Variants in DDX5 observed in about 807,000 individuals in gnomAD.
DDX5 encodes the protein DEAD-box helicase 5, also known as probable ATP-dependent RNA helicase DDX5.
A neutral mutation model predicts 68.6 loss-of-function variants in DDX5; 6 were observed. The ratio of observed to expected loss-of-function variants is 0.09; its 90% confidence interval spans 0.05 to 0.17. DDX5 has a LOEUF of 0.17. Among genes scored for constraint, DDX5 ranks in the 10% least tolerant of loss-of-function variants. DDX5 has a pLI of 1.00. For synonymous variants in DDX5, 350 were observed against 247.0 expected, an observed-to-expected ratio of 1.42 and a Z score of -3.91; for missense variants, 499 against 756.1, an observed-to-expected ratio of 0.66 and a Z score of 3.99.
chr17:64,502,605 G>C lies in DDX5; in HGVS notation c.984-56C>G, dbSNP rs904858179. ...TGAGTTTTAAAAGACCATTGCTAGG[G>C]CCACACATTTATGGTCAGCAAAACA... On this transcript the variant is annotated intron_variant, in intron 8 of 12. Coordinates refer to ENST00000225792, the MANE Select transcript of DDX5 (RefSeq NM_004396.5). 8 of 1,268,684 alleles carry C rather than the reference G, an allele frequency of 6.3e-6. No homozygotes were observed. The Admixed American group carries it at 7.3e-5, about 12-fold the overall frequency. The allele number at this position is 1,268,684 out of a possible 1,614,324, so 78.6% of individuals were successfully genotyped here.
rs1435387879 is a variant in DDX5, at chr17:64,498,543, G to C, written c.*1380C>G. Among the ~76,000 whole-genome samples the C allele has an allele frequency of 2.0e-5, 3 of 152,204 alleles. No homozygotes were observed. Among genetic ancestry groups the C allele is most frequent in the East Asian group, 3.8e-4 (2 of 5,200 alleles). ...AAAACCATCCAGGTTACTACAGGCT[G>C]AATTAGTTTTCAATGTCTAAGTCCT... On this transcript the variant is annotated 3_prime_UTR_variant, in exon 13 of 13. Coordinates refer to ENST00000225792, the MANE Select transcript of DDX5 (RefSeq NM_004396.5).
intron 4 of DDX5, 29 bp from the exon 5 acceptor site, chr17:64,503,897 G>A (rs368305665): frequency 2.9e-5 from 47 of 1,613,708 alleles, no homozygotes; most frequent in East Asian, 2.7e-4. Flanking sequence ...GGGACAAACA[G>A]AAATCACATT....
At chr17:64,506,019 G>GGGCCCCCCCCCCCCCC in intron 1 of DDX5, 57 bp downstream of exon 1, 5 of 1,360,396 alleles carry the variant, frequency 3.7e-6, no homozygotes, top group Non-Finnish European at 5.1e-6. Context: ...CCGCCACCCT[G>GGGCCCCCCCCCCCCCC]ACCCGCCCTC....
chr17:64,504,527 A>T, intron 2 of DDX5, 150 bp downstream of exon 2: 1 of 1,073,590 alleles, frequency 9.3e-7, no homozygotes. Flanking sequence ...AGCCACCTAT[A>T]TCCAAAAGTG....
intron 1 of DDX5, 57 bp downstream of exon 1, chr17:64,506,019 G>GTGCCCCCCCCCCCCCC: frequency 1.5e-6 from 2 of 1,360,436 alleles, no homozygotes; most frequent in Non-Finnish European, 2.0e-6. Flanking sequence ...CCGCCACCCT[G>GTGCCCCCCCCCCCCCC]ACCCGCCCTC....
Position 64,500,937 on chromosome 17 carries a change from G to A in DDX5, c.1217-164C>T, listed in dbSNP as rs79642157. ...CATTTCCTGTAGGAATACCATTGAG[G>A]TTGAAAAAAGAAAAAAAAGCACATG... On this transcript the variant is annotated intron_variant, in intron 11 of 12. Transcript: ENST00000225792. 1,712 of 609,572 alleles carry A rather than the reference G, an allele frequency of 2.8e-3. 22 individuals are homozygous for A. The African/African-American group carries it at 0.028, about 10-fold the overall frequency. 37.8% of individuals were successfully genotyped at this position (609,572 alleles called of 1,614,324 possible). A position where few individuals can be genotyped will look rare whatever the true frequency, so the allele number is the denominator to read the frequency against.
In DDX5 at chr17:64,506,170, G is replaced by C; in HGVS notation, c.-51C>G. ...GAACGAAGTATATAGAAAAGCGTGCGACAAGTCGCTGGAAATGGCCTCGAT... is the reference window on the plus strand; with the variant it reads ...GAACGAAGTATATAGAAAAGCGTGCCACAAGTCGCTGGAAATGGCCTCGAT... On this transcript the variant is annotated 5_prime_UTR_variant, in exon 1 of 13. Transcript: ENST00000225792. 1 of 1,596,596 alleles carries C rather than the reference G, an allele frequency of 6.3e-7. No homozygotes were observed. The highest frequency in any genetic ancestry group is 8.5e-7 in the Non-Finnish European group (1 of 1,171,840).
At chr17:64,502,618 G>A (rs2038326725) in intron 8 of DDX5, 69 bp from the exon 9 acceptor site, 4 of 1,140,336 alleles carry the variant, frequency 3.5e-6, no homozygotes, top group Non-Finnish European at 3.9e-6. Flanking sequence ...ACACATTTAT[G>A]GTCAGCAAAA....
rs781975455 is a variant in DDX5, at chr17:64,504,212, T to C, written c.307+10A>G. ...AACACGGGTAGGTAGAACTGAAAAG[T>C]AGCACTTACCAGGGAAATTGGCTTC... On this transcript the variant is annotated intron_variant, in intron 3 of 12. Coordinates refer to ENST00000225792, the MANE Select transcript of DDX5 (RefSeq NM_004396.5). The C allele has an allele frequency of 1.9e-6, 3 of 1,613,770 alleles. No individual in the cohort carries two copies. The highest frequency in any genetic ancestry group is 3.3e-5 in the Admixed American group (2 of 60,030).
At chr17:64,504,877 A>G in intron 1 of DDX5, 35 bp from the exon 2 acceptor site, 1 of 1,581,864 alleles carries the variant, frequency 6.3e-7, no homozygotes, top group Non-Finnish European at 8.6e-7. Flanking sequence ...ACATTTTCAA[A>G]TGGCTATACC....
intron 1 of DDX5, chr17:64,505,796 A>G: frequency 1.3e-6 from 2 of 1,536,106 alleles, no homozygotes; most frequent in Non-Finnish European, 1.7e-6. Flanking sequence ...TCATCCGCAC[A>G]ATACGCTCCC....
rs782485747 is a variant in DDX5, at chr17:64,505,740, C to T, written c.44+336G>A. The T allele has an allele frequency of 4.0e-5, 62 of 1,536,044 alleles. No individual in the cohort carries two copies. In the East Asian group the frequency reaches 1.5e-3, roughly 37 times the overall value. Reference sequence around the variant, plus strand: ...CACCCCAAAAACACCTCCCGAAACGCCGCACCTAACAGATGTTCCTTCGTC... The same window carrying T: ...CACCCCAAAAACACCTCCCGAAACGTCGCACCTAACAGATGTTCCTTCGTC... On this transcript the variant is annotated intron_variant, in intron 1 of 12. Coordinates refer to ENST00000225792, the MANE Select transcript of DDX5 (RefSeq NM_004396.5).
Position 64,499,250 on chromosome 17 carries a change from A to AGTCACCCACGTTCTCACAC in DDX5, c.*654_*672dup, listed in dbSNP as rs1248536065. ...CTTTTTAAATTATAAACTTTGAAAA[A>AGTCACCCACGTTCTCACAC]GTCACCCACGTTCTCACACTATATA... On this transcript the variant is annotated 3_prime_UTR_variant, in exon 13 of 13. Transcript: ENST00000225792. Among the ~76,000 whole-genome samples, 3 of 152,324 alleles carry AGTCACCCACGTTCTCACAC rather than the reference A, an allele frequency of 2.0e-5. No homozygotes were observed. The highest frequency in any genetic ancestry group is 1.3e-4 in the Admixed American group (2 of 15,294).
At chr17:64,502,400 T>C (rs782656768) in intron 9 of DDX5, 39 bp downstream of exon 9, 1 of 1,529,804 alleles carries the variant, frequency 6.5e-7, no homozygotes, top group Non-Finnish European at 9.1e-7. Context: ...TCCTAAGCTG[T>C]TTTAATCAAT....
chr17:64,503,363 G>GT lies in DDX5; in HGVS notation c.650-16dup, dbSNP rs782080764. Reference sequence around the variant, plus strand: ...GATTTCCACACCTTTAATTAAATACGTAAGTGTAACTACAATACCTAGGAT... The same window carrying GT: ...GATTTCCACACCTTTAATTAAATACGTTAAGTGTAACTACAATACCTAGGAT... On this transcript the variant is annotated splice_polypyrimidine_tract_variant and intron_variant, in intron 6 of 12. Transcript: ENST00000225792. The GT allele has an allele frequency of 8.1e-6, 13 of 1,613,866 alleles. No individual in the cohort carries two copies. The highest frequency in any genetic ancestry group is 6.7e-5 in the African/African-American group (5 of 74,856).
chr17:64,499,827 G>T lies in DDX5; in HGVS notation c.*96C>A. The T allele has an allele frequency of 8.2e-7, 1 of 1,219,094 alleles. No homozygotes were observed. The highest frequency in any genetic ancestry group is 1.1e-6 in the Non-Finnish European group (1 of 901,712). 75.5% of individuals were successfully genotyped at this position (1,219,094 alleles called of 1,614,324 possible). ...TTACTGCTGCACTGCAGTCATTTCT[G>T]CAATTCCCATGTTTCTTAAATAACT... On this transcript the variant is annotated 3_prime_UTR_variant, in exon 13 of 13. Transcript: ENST00000225792.
chr17:64,502,855 CCAAA>C (rs1319617253), intron 8 of DDX5, 67 bp downstream of exon 8: 127 of 1,428,804 alleles, frequency 8.9e-5, no homozygotes, highest in Admixed American at 2.8e-4. Flanking sequence ...AAACAACTCA[CCAAA>C]CAATGATCCC....
chr17:64,504,285 T>C lies in DDX5; in HGVS notation c.244A>G (p.Ile82Val). 1 of 1,614,126 alleles carries C rather than the reference T, an allele frequency of 6.2e-7. No individual in the cohort carries two copies. The highest frequency in any genetic ancestry group is 1.1e-5 in the South Asian group (1 of 91,086). ...EVETYRRSKE[I>V]TVRGHNCPKP... ...GGGCAGTTGTGACCTCTAACTGTAA[T>C]TTCCTTGCTTCTTCTGTATGTTTCC... Residue 82 changes from isoleucine to valine, a missense_variant, in exon 3 of 13, where the codon ATT becomes GTT. Ile to Val is a conservative substitution (Grantham distance 29, BLOSUM62 3). Around this residue, in one of 5 missense-constraint regions of DDX5, gnomAD observed 140 missense variants for 135.7 expected, o/e 1.03. Transcript: ENST00000225792.
rs1415445449 is a variant in DDX5, at chr17:64,499,153, C to G, written c.*770G>C. Among the ~76,000 whole-genome samples the G allele has an allele frequency of 6.6e-6, 1 of 152,168 alleles. No individual in the cohort carries two copies. The highest frequency in any genetic ancestry group is 2.4e-5 in the African/African-American group (1 of 41,436). On this transcript the variant is annotated 3_prime_UTR_variant, in exon 13 of 13. Coordinates refer to ENST00000225792, the MANE Select transcript of DDX5 (RefSeq NM_004396.5). Reference sequence around the variant, plus strand: ...AATGTATGTCTTTCACAGGTTTGTTCAACATTTCAGTAATTCACAGTATAG... The same window carrying G: ...AATGTATGTCTTTCACAGGTTTGTTGAACATTTCAGTAATTCACAGTATAG...
Sources: allele counts gnomAD v4.1 joint callset (sites outside exome capture counted in the v4.1 genomes callset), GRCh38; gene constraint gnomAD v4.1.1; regional missense constraint gnomAD v4.1.1; transcripts MANE v1.5; gene names NCBI Gene and HGNC (gene_info 2026-07-23, HGNC 2026-07-21).